EIF2AK4: variants seen among roughly 807,000 people sequenced by gnomAD.
EIF2AK4 encodes the protein eukaryotic translation initiation factor 2 alpha kinase 4.
Under a neutral mutation model 211.1 loss-of-function variants are expected in EIF2AK4, and 139 were observed. The ratio of observed to expected loss-of-function variants is 0.66; its 90% CI spans 0.57 to 0.76. The LOEUF is 0.76. EIF2AK4 is among the 30% of genes least tolerant of loss of function. The probability of loss-of-function intolerance (pLI) is 0.00; values close to 1 mark genes in which losing one functional copy is unlikely to be tolerated. For missense variants in EIF2AK4, 1,664 were observed against 2,043.8 expected (o/e 0.81, Z 3.58); for synonymous variants, 710 against 751.3 (o/e 0.94, Z 0.90).
chr15:39,978,320 C>A (rs538616267), intron 13 of EIF2AK4, 173 bp downstream of exon 13: 19 of 367,654 alleles, frequency 5.2e-5, no homozygotes, highest in Non-Finnish European at 8.7e-5. Context: ...TATTTATAGA[C>A]CTTCTTTATT....
At chr15:40,007,157 C>G in intron 24 of EIF2AK4, 92 bp downstream of exon 24, 2 of 1,166,118 alleles carry the variant, frequency 1.7e-6, no homozygotes, top group Non-Finnish European at 2.4e-6. Context: ...TCCTGTGATC[C>G]TTACACAGTT....
Position 39,955,609 on chromosome 15 carries a change from T to C in EIF2AK4, c.595-11T>C, listed in dbSNP as rs773726527. The C allele has an allele frequency of 1.3e-5, 20 of 1,594,834 alleles. No homozygotes were observed. The highest frequency in any genetic ancestry group is 1.7e-5 in the Non-Finnish European group (20 of 1,174,350). ...TTACATCTAAAGTAAGTTTTACTTT[T>C]CTTGTTCTAGGAACGTTTGGAAATT... On this transcript the variant is annotated splice_polypyrimidine_tract_variant and intron_variant, in intron 5 of 38. Coordinates refer to ENST00000263791, the MANE Select transcript of EIF2AK4 (RefSeq NM_001013703.4).
At chr15:39,960,319 C>T (rs550642094) in intron 6 of EIF2AK4, among the ~76,000 whole-genome samples, 4 of 152,006 alleles carry the variant, frequency 2.6e-5, no homozygotes, top group African/African-American at 9.6e-5. Flanking sequence ...CAGAGTATTG[C>T]ATATGTCCAG....
intron 4 of EIF2AK4, chr15:39,951,476 C>T: frequency 2.4e-6 from 1 of 409,022 alleles, no homozygotes; most frequent in South Asian, 1.8e-5. Flanking sequence ...TCAAAAAGGC[C>T]AACCAGATAG....
intron 17 of EIF2AK4, 174 bp from the exon 18 acceptor site, chr15:39,992,595 G>C (rs533018041): frequency 1.3e-5 from 8 of 618,598 alleles, no homozygotes; most frequent in Non-Finnish European, 2.0e-5. Context: ...CGAATGTGTG[G>C]CCATACGTGA....
At chr15:39,971,847 C>G (rs990225282) in intron 9 of EIF2AK4, among the ~76,000 whole-genome samples, 1 of 152,098 alleles carries the variant, frequency 6.6e-6, no homozygotes, top group African/African-American at 2.4e-5. Context: ...GATCACTGTC[C>G]AAACCTCCAG....
chr15:39,972,838 A>T, intron 9 of EIF2AK4, 70 bp from the exon 10 acceptor site: 1 of 1,224,338 alleles, frequency 8.2e-7, no homozygotes, highest in Non-Finnish European at 1.2e-6. Context: ...ACCCATAGTT[A>T]ATGCCTTGGA....
intron 9 of EIF2AK4, among the ~76,000 whole-genome samples, chr15:39,971,161 T>G (rs8036381): frequency 0.92 from 139,123 of 151,994 alleles, 64,035 homozygotes; most frequent in Middle Eastern, 0.97. Flanking sequence ...TAGGTGAGAG[T>G]ATCTCTTGAG....
At chr15:39,951,416 C>G in intron 4 of EIF2AK4, 1 of 298,946 alleles carries the variant, frequency 3.3e-6, no homozygotes, top group Non-Finnish European at 6.5e-6. Flanking sequence ...TATCTTTCAG[C>G]ACAATTGTTA....
intron 1 of EIF2AK4, among the ~76,000 whole-genome samples, chr15:39,937,166 T>C (rs1195850738): frequency 6.6e-6 from 1 of 152,216 alleles, no homozygotes; most frequent in East Asian, 1.9e-4. Flanking sequence ...GGTCTGCTCA[T>C]TTATAATTTG....
intron 6 of EIF2AK4, among the ~76,000 whole-genome samples, chr15:39,960,025 A>C (rs187842515): frequency 1.2e-4 from 19 of 152,136 alleles, no homozygotes; most frequent in African/African-American, 4.6e-4. Flanking sequence ...TTAGCTAGGC[A>C]TGGTGGCGGG....
Position 39,973,620 on chromosome 15 carries a change from T to C in EIF2AK4, c.1689T>C (p.Thr563=). 6.2e-7 allele frequency: 1 copy of C among 1,613,980 alleles called. No homozygotes were observed. Residue 563 remains threonine, a synonymous_variant, in exon 11 of 39, where the codon ACT becomes ACC. Coordinates refer to ENST00000263791, the MANE Select transcript of EIF2AK4 (RefSeq NM_001013703.4). The stretch of plus-strand genomic sequence containing the variant: ...CTGAAGGACAAGATTATGTTGAGAC[T>C]GTTATTCCTAGCAACCGGCTACCCA... ...EDSEGQDYVE[T]VIPSNRLPSA...
intron 38 of EIF2AK4, among the ~76,000 whole-genome samples, chr15:40,034,736 TG>T (rs1446941351): frequency 3.9e-5 from 6 of 152,224 alleles, no homozygotes; most frequent in African/African-American, 1.4e-4. Flanking sequence ...ACTACTTTGC[TG>T]TATGTCCTTA....
chr15:40,028,146 C>T (rs1432149165), intron 33 of EIF2AK4, among the ~76,000 whole-genome samples: 1 of 150,938 alleles, frequency 6.6e-6, no homozygotes, highest in East Asian at 1.9e-4. Flanking sequence ...ATACATGACT[C>T]ACTATAGCCT....
At chr15:40,025,645 C>G (rs1226581370) in intron 32 of EIF2AK4, among the ~76,000 whole-genome samples, 1 of 151,168 alleles carries the variant, frequency 6.6e-6, no homozygotes, top group Non-Finnish European at 1.5e-5. Context: ...TCATCTTGGC[C>G]TTAAAAAAAA....
intron 9 of EIF2AK4, among the ~76,000 whole-genome samples, chr15:39,969,423 C>T (rs1225102451): frequency 1.5e-5 from 2 of 135,936 alleles, no homozygotes; most frequent in South Asian, 2.3e-4. Context: ...TGCAGTGGTA[C>T]GATCTCAGCT....
chr15:40,022,826 C>G (rs2035411275), intron 32 of EIF2AK4, among the ~76,000 whole-genome samples: 1 of 152,198 alleles, frequency 6.6e-6, no homozygotes, highest in South Asian at 2.1e-4. Context: ...CTCCGCCTCC[C>G]GGGTTCTCGC....
chr15:40,009,773 A>T, intron 26 of EIF2AK4, 43 bp downstream of exon 26: 1 of 1,258,056 alleles, frequency 7.9e-7, no homozygotes, highest in Non-Finnish European at 1.1e-6. Flanking sequence ...TAATACCTTG[A>T]TGTTGAAAGA....
At chr15:39,992,266 A>G in intron 17 of EIF2AK4, 37 bp downstream of exon 17, 1 of 1,545,982 alleles carries the variant, frequency 6.5e-7, no homozygotes, top group Non-Finnish European at 8.8e-7. Context: ...TCCATGTGTT[A>G]AAGACCCCAG....
Sources: gnomAD v4.1 joint callset for allele counts (sites outside exome capture counted in the v4.1 genomes callset) on GRCh38, gnomAD v4.1.1 for gene constraint, MANE v1.5 for transcripts, NCBI Gene and HGNC (gene_info 2026-07-23, HGNC 2026-07-21) for gene names.